Variants in APOO observed in about 807,000 individuals in gnomAD.
APOO encodes the protein apolipoprotein O, also known as MICOS complex subunit MIC26.
APOO carries 11 observed loss-of-function variants against 23.1 expected under a neutral mutation model. The observed-to-expected ratio is 0.48, with a 90% CI of 0.30 to 0.79. The LOEUF (loss-of-function observed/expected upper bound fraction) is 0.79, where lower values mean the gene tolerates loss of function less well. APOO is among the 30% of genes least tolerant of loss of function. APOO has a pLI of 0.07. For missense variants in APOO, 160 were observed against 142.7 expected (o/e 1.12, Z -0.62); for synonymous variants, 59 against 54.8 (o/e 1.08, Z -0.34).
intron 1 of APOO, among the ~76,000 whole-genome samples, chrX:23,905,963 G>A (rs1238605004): frequency 1.8e-5 from 2 of 112,806 alleles, no homozygotes; most frequent in Admixed American, 1.9e-4. Flanking sequence ...GTAGGAACTT[G>A]TAAAATGAAT....
intron 1 of APOO, among the ~76,000 whole-genome samples, chrX:23,888,849 C>CAAAAAAAAAAAA (rs11338273): frequency 2.4e-5 from 1 of 41,286 alleles, no homozygotes; most frequent in Non-Finnish European, 4.1e-5. Context: ...GATTTCATCT[C>CAAAAAAAAAAAA]AAAAAAAAAA....
At chrX:23,867,134 G>T (rs186605029) in intron 5 of APOO, among the ~76,000 whole-genome samples, 379 of 110,371 alleles carry the variant, frequency 3.4e-3, no homozygotes, top group Non-Finnish European at 4.9e-3. Flanking sequence ...GAAACGAAAC[G>T]AAACGAAACG....
At chrX:23,867,167 A>G (rs1483130129) in intron 5 of APOO, among the ~76,000 whole-genome samples, 1 of 111,645 alleles carries the variant, frequency 9.0e-6, no homozygotes, top group Non-Finnish European at 1.9e-5. Flanking sequence ...ACTAAAGTAA[A>G]AGCTATTGCA....
intron 3 of APOO, among the ~76,000 whole-genome samples, chrX:23,877,815 A>T (rs1925926281): frequency 9.0e-6 from 1 of 111,381 alleles, no homozygotes; most frequent in African/African-American, 3.3e-5. Context: ...ATAAATCTCA[A>T]GCAAGGTAAA....
At chrX:23,837,838 T>C (rs1209094794) in intron 8 of APOO, among the ~76,000 whole-genome samples, 1 of 105,843 alleles carries the variant, frequency 9.4e-6, no homozygotes, top group Non-Finnish European at 1.9e-5. Context: ...TTTTTAATTT[T>C]TTGTAGAGAC....
intron 1 of APOO, among the ~76,000 whole-genome samples, chrX:23,892,341 G>A (rs1039087133): frequency 1.6e-4 from 17 of 106,118 alleles, no homozygotes; most frequent in Admixed American, 4.1e-4. Flanking sequence ...AACCTCCGCC[G>A]TCTCTCGGAT....
intron 5 of APOO, among the ~76,000 whole-genome samples, chrX:23,863,093 G>T (rs1219405824): frequency 1.8e-5 from 2 of 112,386 alleles, no homozygotes; most frequent in Non-Finnish European, 3.8e-5. Context: ...CAGCACTTTG[G>T]GAGGCTGAGG....
chrX:23,877,775 A>G (rs1007367057), intron 3 of APOO, among the ~76,000 whole-genome samples: 4 of 107,817 alleles, frequency 3.7e-5, no homozygotes, highest in Non-Finnish European at 7.7e-5. Context: ...CTCCCTCTCA[A>G]AAAAAAAAAA....
chrX:23,843,836 G>C (rs1385653163), intron 7 of APOO, among the ~76,000 whole-genome samples: 1 of 111,183 alleles, frequency 9.0e-6, no homozygotes, highest in Non-Finnish European at 1.9e-5. Context: ...TGCCTGCCTC[G>C]GCCTACAAAG....
chrX:23,880,367 C>G (rs976258361), intron 2 of APOO, among the ~76,000 whole-genome samples: 2 of 111,836 alleles, frequency 1.8e-5, no homozygotes, highest in African/African-American at 6.5e-5. Flanking sequence ...ATATTTCCCA[C>G]AAATTAAACA....
At chrX:23,838,953 T>A (rs761951585) in intron 8 of APOO, among the ~76,000 whole-genome samples, 35 of 111,823 alleles carry the variant, frequency 3.1e-4, no homozygotes, top group Admixed American at 1.8e-3. Context: ...TACAGAAATA[T>A]ATCCATTCTG....
intron 1 of APOO, among the ~76,000 whole-genome samples, chrX:23,899,239 A>G (rs1927029128): frequency 8.9e-6 from 1 of 112,466 alleles, no homozygotes; most frequent in Non-Finnish European, 1.9e-5. Flanking sequence ...TATTCACTTA[A>G]AATTCAACTA....
chrX:23,869,607 T>C (rs1348409487), intron 4 of APOO, among the ~76,000 whole-genome samples: 1 of 81,452 alleles, frequency 1.2e-5, no homozygotes, highest in African/African-American at 5.1e-5. Flanking sequence ...CCTGACAGCC[T>C]GAGCCACAGA....
chrX:23,847,015 G>T (rs1328581739), intron 7 of APOO, among the ~76,000 whole-genome samples: 1 of 109,425 alleles, frequency 9.1e-6, no homozygotes, highest in Non-Finnish European at 1.9e-5. Context: ...AGGGACAAAT[G>T]ACCCATATAA....
At chrX:23,862,784 G>A (rs1424507617) in intron 5 of APOO, among the ~76,000 whole-genome samples, 1 of 92,254 alleles carries the variant, frequency 1.1e-5, no homozygotes, top group Non-Finnish European at 2.2e-5. Flanking sequence ...AGAAAGAAAA[G>A]AGAAGAGAAG....
At chrX:23,906,076 A>C (rs1417678947) in intron 1 of APOO, among the ~76,000 whole-genome samples, 1 of 112,704 alleles carries the variant, frequency 8.9e-6, no homozygotes, top group Non-Finnish European at 1.9e-5. Flanking sequence ...ATCAGCAAAC[A>C]TGATGCTGTG....
intron 5 of APOO, among the ~76,000 whole-genome samples, chrX:23,860,110 T>G (rs182729269): frequency 3.6e-5 from 4 of 110,835 alleles, no homozygotes; most frequent in Non-Finnish European, 7.6e-5. Flanking sequence ...TGAACGGAAA[T>G]AAGAGGACAC....
At chrX:23,879,696 G>A (rs192831370) in intron 2 of APOO, among the ~76,000 whole-genome samples, 249 of 111,768 alleles carry the variant, frequency 2.2e-3, no homozygotes, top group African/African-American at 7.3e-3. Flanking sequence ...TCTAAAGGGT[G>A]GGTGAAGGGG....
chrX:23,865,287 A>T (rs1157681546), intron 5 of APOO, among the ~76,000 whole-genome samples: 1 of 111,080 alleles, frequency 9.0e-6, no homozygotes, highest in East Asian at 2.8e-4. Flanking sequence ...ACTGAAGCAG[A>T]CTACCTTAGC....
Sources: gnomAD v4.1 joint callset for allele counts (sites outside exome capture counted in the v4.1 genomes callset) on GRCh38, gnomAD v4.1.1 for gene constraint, MANE v1.5 for transcripts, NCBI Gene and HGNC (gene_info 2026-07-23, HGNC 2026-07-21) for gene names.